Variants in C8orf34 observed in about 807,000 individuals in gnomAD.
The protein encoded by C8orf34 is chromosome 8 open reading frame 34.
A neutral mutation model predicts 68.3 loss-of-function variants in C8orf34; 65 were observed. The ratio of observed to expected loss-of-function variants is 0.95; its 90% CI spans 0.78 to 1.17. The LOEUF (loss-of-function observed/expected upper bound fraction) is 1.17, where lower values mean the gene tolerates loss of function less well. Ranked by LOEUF, C8orf34 falls within the 50% of genes most tolerant of loss-of-function variation. The pLI, the probability that C8orf34 is intolerant of heterozygous loss-of-function variation, is 0.00. For missense variants in C8orf34, 664 were observed against 655.4 expected, an observed-to-expected ratio of 1.01 and a Z score of -0.14; for synonymous variants, 244 against 241.2, an observed-to-expected ratio of 1.01 and a Z score of -0.11.
intron 8 of C8orf34, among the ~76,000 whole-genome samples, chr8:68,699,795 G>A (rs1334988856): frequency 6.6e-6 from 1 of 152,074 alleles, no homozygotes; most frequent in Non-Finnish European, 1.5e-5. Flanking sequence ...CAGCACCTAT[G>A]CCAACTACAT....
intron 5 of C8orf34, among the ~76,000 whole-genome samples, chr8:68,502,046 T>C (rs1423005811): frequency 1.3e-5 from 2 of 152,160 alleles, no homozygotes; most frequent in Non-Finnish European, 2.9e-5. Context: ...GATTCTCGTC[T>C]TTAAGGATGT....
At chr8:68,805,321 G>A (rs1049940023) in intron 12 of C8orf34, among the ~76,000 whole-genome samples, 1 of 152,184 alleles carries the variant, frequency 6.6e-6, no homozygotes, top group African/African-American at 2.4e-5. Flanking sequence ...TGCTGTTGTT[G>A]GGTGGAGTTT....
At chr8:68,612,327 C>T (rs951573090) in intron 7 of C8orf34, among the ~76,000 whole-genome samples, 1 of 152,066 alleles carries the variant, frequency 6.6e-6, no homozygotes, top group African/African-American at 2.4e-5. Flanking sequence ...CAAGCTGAGA[C>T]TCTGAGATGT....
intron 5 of C8orf34, 152 bp downstream of exon 5, chr8:68,488,203 G>T: frequency 1.8e-6 from 1 of 555,506 alleles, no homozygotes; most frequent in Non-Finnish European, 3.1e-6. Context: ...AATGCATATT[G>T]TTTTATGAAA....
chr8:68,767,633 T>G (rs759998192), intron 10 of C8orf34, among the ~76,000 whole-genome samples: 88 of 152,204 alleles, frequency 5.8e-4, no homozygotes, highest in Admixed American at 5.6e-3. Flanking sequence ...ATTCATTCAT[T>G]CATGCATGCA....
At chr8:68,657,881 G>C (rs1256963539) in intron 8 of C8orf34, among the ~76,000 whole-genome samples, 2 of 152,206 alleles carry the variant, frequency 1.3e-5, no homozygotes, top group Admixed American at 6.5e-5. Context: ...TGGTTATGCA[G>C]TCAGAAAGCT....
chr8:68,535,200 G>A, intron 7 of C8orf34: 8 of 983,154 alleles, frequency 8.1e-6, no homozygotes, highest in Non-Finnish European at 9.7e-6. Flanking sequence ...TAAATGCTAA[G>A]TTCTTGGAAA....
At chr8:68,701,759 C>G (rs552938638) in intron 8 of C8orf34, among the ~76,000 whole-genome samples, 1 of 152,190 alleles carries the variant, frequency 6.6e-6, no homozygotes, top group African/African-American at 2.4e-5. Context: ...CATCAGAAGA[C>G]TAGATTATTC....
chr8:68,466,181 C>T (rs1402331733), intron 3 of C8orf34, among the ~76,000 whole-genome samples: 1 of 151,768 alleles, frequency 6.6e-6, no homozygotes, highest in East Asian at 1.9e-4. Flanking sequence ...AAACTAATCA[C>T]ATGGAGGTAA....
intron 5 of C8orf34, among the ~76,000 whole-genome samples, chr8:68,510,261 T>G (rs7840898): frequency 0.29 from 44,048 of 152,002 alleles, 8,767 homozygotes; most frequent in African/African-American, 0.57. Flanking sequence ...TCTTATGATA[T>G]ACCCAGAAAA....
At chr8:68,644,100 A>T (rs1819095232) in intron 8 of C8orf34, among the ~76,000 whole-genome samples, 2 of 152,212 alleles carry the variant, frequency 1.3e-5, no homozygotes, top group African/African-American at 4.8e-5. Context: ...GAATCTATGA[A>T]ATAAACTCAC....
chr8:68,544,368 A>G (rs1178060628), intron 7 of C8orf34, among the ~76,000 whole-genome samples: 1 of 152,186 alleles, frequency 6.6e-6, no homozygotes, highest in African/African-American at 2.4e-5. Context: ...TATTAGGGAC[A>G]CACACTGAAT....
At chr8:68,794,476 AATATAAAT>A (rs1456428185) in intron 12 of C8orf34, among the ~76,000 whole-genome samples, 1 of 111,668 alleles carries the variant, frequency 9.0e-6, no homozygotes, top group African/African-American at 4.7e-5. Flanking sequence ...CCAGTATATA[AATATAAAT>A]ATATATATAT....
chr8:68,742,079 C>G (rs1188514460), intron 10 of C8orf34, among the ~76,000 whole-genome samples: 1 of 152,106 alleles, frequency 6.6e-6, no homozygotes, highest in Non-Finnish European at 1.5e-5. Flanking sequence ...TTCTTCTGGA[C>G]TTGAACTCCA....
chr8:68,639,552 A>G (rs1162137837), intron 7 of C8orf34, among the ~76,000 whole-genome samples: 1 of 152,166 alleles, frequency 6.6e-6, no homozygotes, highest in African/African-American at 2.4e-5. Context: ...TATGCCTTCA[A>G]TAATGAATTA....
At chr8:68,681,255 A>G (rs1196446193) in intron 8 of C8orf34, among the ~76,000 whole-genome samples, 7 of 152,136 alleles carry the variant, frequency 4.6e-5, no homozygotes, top group African/African-American at 1.7e-4. Flanking sequence ...TCCTCAGCTT[A>G]CGAAGATAAC....
intron 8 of C8orf34, among the ~76,000 whole-genome samples, chr8:68,682,448 C>T (rs1343188398): frequency 6.6e-6 from 1 of 152,042 alleles, no homozygotes; most frequent in African/African-American, 2.4e-5. Flanking sequence ...TTTAGTTATC[C>T]TTCTCTTCCT....
intron 5 of C8orf34, among the ~76,000 whole-genome samples, chr8:68,502,265 C>A (rs565063862): frequency 6.6e-6 from 1 of 152,240 alleles, no homozygotes; most frequent in African/African-American, 2.4e-5. Context: ...GGGGTTTCAC[C>A]ATTTCACATT....
chr8:68,658,166 GCTT>G (rs1175674579), intron 8 of C8orf34, among the ~76,000 whole-genome samples: 1 of 152,040 alleles, frequency 6.6e-6, no homozygotes, highest in Non-Finnish European at 1.5e-5. Flanking sequence ...TTAAAAAATT[GCTT>G]CTTAAGACCT....
Sources: allele counts gnomAD v4.1 joint callset (sites outside exome capture counted in the v4.1 genomes callset), GRCh38; gene constraint gnomAD v4.1.1; transcripts MANE v1.5; gene names NCBI Gene and HGNC (gene_info 2026-07-23, HGNC 2026-07-21).